SLCO3A1: variants seen among roughly 807,000 people sequenced by gnomAD.
SLCO3A1 encodes solute carrier organic anion transporter family member 3A1.
In SLCO3A1, 27 loss-of-function variants were observed where a neutral mutation model predicts 63.1. The ratio of observed to expected loss-of-function variants is 0.43; its 90% CI spans 0.32 to 0.59. The LOEUF (loss-of-function observed/expected upper bound fraction) is 0.59. SLCO3A1 is among the 20% of genes least tolerant of loss of function. The pLI is 0.09. For synonymous variants in SLCO3A1, 473 were observed against 409.9 expected (o/e 1.15, Z -1.86); for missense variants, 773 against 945.8 (o/e 0.82, Z 2.40).
In SLCO3A1 at chr15:91,886,441, G is replaced by A. The variant is rs1897726629; in HGVS notation, c.181-29552G>A. Among the ~76,000 whole-genome samples the A allele has an allele frequency of 6.6e-6, 1 of 152,176 alleles. No homozygotes were observed. Among genetic ancestry groups the A allele is most frequent in the Admixed American group, 6.5e-5 (1 of 15,280 alleles). On this transcript the variant is annotated intron_variant, in intron 1 of 9. Transcript: ENST00000318445. This position sits in a 1 kb window ranked among gnomAD's most constrained non-coding sequence, Gnocchi z 4.9. ...GGCTCCTGTTTGTGTCCACATCAGCGTGAGTTGTGTGAAGTCCTCAGCAGT... is the reference window on the plus strand; with the variant it reads ...GGCTCCTGTTTGTGTCCACATCAGCATGAGTTGTGTGAAGTCCTCAGCAGT...
rs1011632946 is a variant in SLCO3A1 at position 91,946,822 on chromosome 15, T to C, written c.646+30364T>C. ...GAGCAAATGACTGGAGTTACCAAAA[T>C]TCCCCTCCGAGGAAGGGCAGGTCGG... On this transcript the variant is annotated intron_variant, in intron 2 of 9. Transcript: ENST00000318445. Among the ~76,000 whole-genome samples the C allele has an allele frequency of 5.8e-4, 89 of 152,320 alleles. 1 individual carries two copies. Among genetic ancestry groups the C allele is most frequent in the African/African-American group, 2.0e-3 (84 of 41,570 alleles).
intron 2 of SLCO3A1, among the ~76,000 whole-genome samples, chr15:91,961,280 A>G (rs1454800268): frequency 1.3e-5 from 2 of 152,258 alleles, no homozygotes; most frequent in African/African-American, 2.4e-5. Context: ...AGGCATAGTC[A>G]GGACTGCCTT....
At chr15:92,156,211 C>G (rs2151598794) in intron 9 of SLCO3A1, among the ~76,000 whole-genome samples, 1 of 152,256 alleles carries the variant, frequency 6.6e-6, no homozygotes. Flanking sequence ...CACAGCATGC[C>G]CAGGGGCCCC....
At chr15:92,029,261 T>G (rs1009997827) in intron 2 of SLCO3A1, among the ~76,000 whole-genome samples, 1 of 152,180 alleles carries the variant, frequency 6.6e-6, no homozygotes, top group Admixed American at 6.5e-5. Flanking sequence ...CTTCCTGAGG[T>G]TGCCAAATTT....
chr15:92,167,595 C>T (rs544247970), downstream of SLCO3A1, among the ~76,000 whole-genome samples: 63 of 152,342 alleles, frequency 4.1e-4, no homozygotes, highest in African/African-American at 1.4e-3. Flanking sequence ...ACTTTGGACC[C>T]CACGCCCCTA....
At position 92,045,455 on chromosome 15, in the gene SLCO3A1, A is replaced by T. The variant is rs117914481; in HGVS notation, c.647-49426A>T. Among the ~76,000 whole-genome samples, 287 of 152,212 alleles carry T rather than the reference A, an allele frequency of 1.9e-3. 10 individuals carry two copies. In the East Asian group the frequency reaches 0.053, roughly 28 times the overall value. The stretch of plus-strand genomic sequence containing the variant: ...ATAAATGTGCATGCATATAAAGGTA[A>T]TATTATTTTTACATGACTGATATTA... On this transcript the variant is annotated intron_variant, in intron 2 of 9. Transcript: ENST00000318445.
chr15:92,079,702 G>C (rs1469119104), intron 2 of SLCO3A1, among the ~76,000 whole-genome samples: 1 of 152,246 alleles, frequency 6.6e-6, no homozygotes, highest in Admixed American at 6.5e-5. Context: ...GGAGAGCAGG[G>C]CAGGTGACTG....
chr15:92,027,333 G>A (rs752933196), intron 2 of SLCO3A1, among the ~76,000 whole-genome samples: 18 of 152,246 alleles, frequency 1.2e-4, no homozygotes, highest in Admixed American at 5.2e-4. Flanking sequence ...TTTGTTGAGA[G>A]ATAAACTTTG....
intron 2 of SLCO3A1, among the ~76,000 whole-genome samples, chr15:91,975,743 C>G (rs1364706354): frequency 6.6e-6 from 1 of 152,140 alleles, no homozygotes; most frequent in Non-Finnish European, 1.5e-5. Context: ...GTTCCTATAA[C>G]TATGAGATTG....
At chr15:92,152,958 G>C (rs766347450) in intron 9 of SLCO3A1, among the ~76,000 whole-genome samples, 1 of 152,070 alleles carries the variant, frequency 6.6e-6, no homozygotes, top group Admixed American at 6.5e-5. Context: ...TTTTTTGATA[G>C]CACAAGATGA....
At chr15:92,042,122 C>G (rs774063188) in intron 2 of SLCO3A1, among the ~76,000 whole-genome samples, 1 of 152,158 alleles carries the variant, frequency 6.6e-6, no homozygotes, top group Non-Finnish European at 1.5e-5. Context: ...TGTCCTCTCT[C>G]AGCCAGATGG....
At chr15:92,112,618 C>T (rs1345581348) in intron 4 of SLCO3A1, among the ~76,000 whole-genome samples, 2 of 152,210 alleles carry the variant, frequency 1.3e-5, no homozygotes, top group African/African-American at 2.4e-5. Flanking sequence ...GAGTGGCCTC[C>T]TCTGGGGGCC....
At chr15:92,063,808 C>T (rs913086179) in intron 2 of SLCO3A1, among the ~76,000 whole-genome samples, 3 of 152,164 alleles carry the variant, frequency 2.0e-5, no homozygotes, top group Non-Finnish European at 2.9e-5. Context: ...CAAGATCGCA[C>T]CACCGCACTC....
intron 2 of SLCO3A1, among the ~76,000 whole-genome samples, chr15:91,962,545 C>A (rs1399765147): frequency 6.8e-6 from 1 of 146,384 alleles, no homozygotes; most frequent in Non-Finnish European, 1.5e-5. Flanking sequence ...CAGGAAACAA[C>A]TGAAAGCTGG....
downstream of SLCO3A1, among the ~76,000 whole-genome samples, chr15:92,168,404 A>G (rs1455486496): frequency 6.6e-6 from 1 of 152,244 alleles, no homozygotes; most frequent in Non-Finnish European, 1.5e-5. Flanking sequence ...GTGGGCCTGC[A>G]GTCTGTGTTG....
At chr15:92,014,928 G>A (rs534854653) in intron 2 of SLCO3A1, among the ~76,000 whole-genome samples, 74 of 152,298 alleles carry the variant, frequency 4.9e-4, no homozygotes, top group African/African-American at 1.6e-3. Context: ...AGCTGTGAGT[G>A]TAAGTCCTTC....
At chr15:92,018,716 A>T (rs1015763282) in intron 2 of SLCO3A1, among the ~76,000 whole-genome samples, 2 of 152,104 alleles carry the variant, frequency 1.3e-5, no homozygotes, top group African/African-American at 4.8e-5. Context: ...TGTGGGCTGC[A>T]CCTGAGTGGG....
intron 9 of SLCO3A1, among the ~76,000 whole-genome samples, chr15:92,158,656 G>A (rs1017653430): frequency 6.6e-6 from 1 of 152,142 alleles, no homozygotes; most frequent in African/African-American, 2.4e-5. Context: ...ACTGAGTGAC[G>A]AACATATAAG....
At chr15:92,105,027 G>A (rs1419966691) in intron 4 of SLCO3A1, among the ~76,000 whole-genome samples, 2 of 151,770 alleles carry the variant, frequency 1.3e-5, no homozygotes, top group Non-Finnish European at 2.9e-5. Flanking sequence ...AGCCCTTTGG[G>A]AAGCCAAGGC....
Sources: gnomAD v4.1 joint callset for allele counts (sites outside exome capture counted in the v4.1 genomes callset) on GRCh38, gnomAD v4.1.1 for gene constraint, Gnocchi (gnomAD v3.1) non-coding constraint, MANE v1.5 for transcripts, NCBI Gene and HGNC (gene_info 2026-07-23, HGNC 2026-07-21) for gene names.